Variants in UBTD2 observed in about 807,000 individuals in gnomAD.
UBTD2 encodes ubiquitin domain-containing protein 2.
A neutral mutation model predicts 19.8 loss-of-function variants in UBTD2; 9 were observed. That is an observed-to-expected ratio of 0.46 (90% CI 0.27 to 0.79). The LOEUF is 0.79. Among genes scored for constraint, UBTD2 ranks in the 30% least tolerant of loss-of-function variants. The pLI is 0.14. For missense variants in UBTD2, 250 were observed against 300.4 expected, an observed-to-expected ratio of 0.83 and a Z score of 1.24; for synonymous variants, 98 against 103.9, an observed-to-expected ratio of 0.94 and a Z score of 0.35.
intron 1 of UBTD2, among the ~76,000 whole-genome samples, chr5:172,260,415 T>C (rs1755243790): frequency 6.6e-6 from 1 of 152,216 alleles, no homozygotes; most frequent in Admixed American, 6.5e-5. Context: ...GAAGTATAAG[T>C]TCTGTTCCTA....
At chr5:172,264,639 C>T (rs1477659460) in intron 1 of UBTD2, among the ~76,000 whole-genome samples, 1 of 151,498 alleles carries the variant, frequency 6.6e-6, no homozygotes. Context: ...TTTGGGAGGC[C>T]AAGACAAGAG....
chr5:172,221,701 G>T (rs1771654538), intron 2 of UBTD2, among the ~76,000 whole-genome samples: 1 of 152,158 alleles, frequency 6.6e-6, no homozygotes, highest in African/African-American at 2.4e-5. Context: ...TTAGGAGGGA[G>T]GCAGGGATGA....
chr5:172,229,363 T>G (rs766072769), intron 2 of UBTD2, among the ~76,000 whole-genome samples: 2 of 151,992 alleles, frequency 1.3e-5, no homozygotes, highest in African/African-American at 4.8e-5. Flanking sequence ...TAGCCAGGCA[T>G]GGTGGCGGGC....
chr5:172,251,694 G>A (rs895456094), intron 1 of UBTD2, among the ~76,000 whole-genome samples: 28 of 151,824 alleles, frequency 1.8e-4, no homozygotes, highest in African/African-American at 2.4e-5. Context: ...ATGAAGGAAA[G>A]ATAAAAGGGT....
intron 1 of UBTD2, among the ~76,000 whole-genome samples, chr5:172,236,652 A>G (rs1772015041): frequency 6.6e-6 from 1 of 152,236 alleles, no homozygotes; most frequent in African/African-American, 2.4e-5. Context: ...GAAGTGGAAG[A>G]TGGCACAGTA....
intron 1 of UBTD2, among the ~76,000 whole-genome samples, chr5:172,248,440 T>A (rs1754926447): frequency 6.6e-6 from 1 of 151,838 alleles, no homozygotes; most frequent in Non-Finnish European, 1.5e-5. Context: ...ATACAAAAAT[T>A]AGCTGGGTGT....
chr5:172,212,338 A>C, intron 2 of UBTD2, 111 bp from the exon 3 acceptor site: 3 of 1,153,610 alleles, frequency 2.6e-6, no homozygotes, highest in Non-Finnish European at 3.6e-6. Flanking sequence ...GTAGAGAAAA[A>C]ACATCACTCT....
At chr5:172,243,196 C>T (rs1176162988) in intron 1 of UBTD2, among the ~76,000 whole-genome samples, 1 of 150,418 alleles carries the variant, frequency 6.6e-6, no homozygotes, top group African/African-American at 2.4e-5. Context: ...AATCCTCAAA[C>T]CCTGTAAAGA....
intron 2 of UBTD2, among the ~76,000 whole-genome samples, chr5:172,226,892 A>G (rs1771777297): frequency 6.6e-6 from 1 of 152,234 alleles, no homozygotes; most frequent in South Asian, 2.1e-4. Context: ...CATCTCTTTT[A>G]GTAAACATAA....
intron 2 of UBTD2, among the ~76,000 whole-genome samples, chr5:172,233,230 G>C (rs1771941398): frequency 6.6e-6 from 1 of 152,196 alleles, no homozygotes; most frequent in Admixed American, 6.5e-5. Flanking sequence ...TAAGAATGTA[G>C]ATAAAGGGAC....
intron 2 of UBTD2, among the ~76,000 whole-genome samples, chr5:172,219,160 AAAG>A (rs1437722040): frequency 4.6e-5 from 7 of 152,374 alleles, no homozygotes; most frequent in Admixed American, 2.0e-4. Context: ...CCAAAACAGA[AAAG>A]AACCAATTCC....
intron 1 of UBTD2, among the ~76,000 whole-genome samples, chr5:172,256,154 G>A (rs1470036659): frequency 6.6e-6 from 1 of 151,980 alleles, no homozygotes; most frequent in African/African-American, 2.4e-5. Context: ...CTGATAATCC[G>A]TCCTATAATG....
chr5:172,281,328 C>T (rs1417083145), intron 1 of UBTD2, among the ~76,000 whole-genome samples: 1 of 152,112 alleles, frequency 6.6e-6, no homozygotes, highest in Non-Finnish European at 1.5e-5. Flanking sequence ...AAACCCACCT[C>T]TACTAAAAAT....
intron 2 of UBTD2, among the ~76,000 whole-genome samples, chr5:172,227,373 A>G (rs1221724646): frequency 2.6e-5 from 4 of 152,132 alleles, no homozygotes; most frequent in Non-Finnish European, 5.9e-5. Context: ...AAATGATATA[A>G]CATTTATTTT....
In UBTD2 at chr5:172,212,196, C is replaced by T. The variant is rs758381830; in HGVS notation, c.339G>A (p.Gly113=). ...GALTECYDEL[G]NRYQLPVYCL... ...AATACACTGGAAGCTGATATCTGTT[C>T]CCCAGTTCATCGTAGCACTCTGTAA... is the stretch of plus-strand genomic sequence containing the variant. Residue 113 remains glycine, a synonymous_variant, in exon 3 of 3, where the codon GGG becomes GGA. Coordinates refer to ENST00000393792, the MANE Select transcript of UBTD2 (RefSeq NM_152277.3). 1 of 1,611,690 alleles carries T rather than the reference C, an allele frequency of 6.2e-7. No homozygotes were observed. The highest frequency in any genetic ancestry group is 1.3e-5 in the African/African-American group (1 of 74,866).
At chr5:172,247,757 T>C (rs145000080) in intron 1 of UBTD2, among the ~76,000 whole-genome samples, 1 of 152,318 alleles carries the variant, frequency 6.6e-6, no homozygotes, top group Non-Finnish European at 1.5e-5. Context: ...ATATCCTATT[T>C]TCAATAATGT....
chr5:172,211,990 T>G lies in UBTD2; in HGVS notation c.545A>C (p.His182Pro), dbSNP rs746257867. The G allele has an allele frequency of 6.2e-7, 1 of 1,614,220 alleles. No individual in the cohort carries two copies. Among genetic ancestry groups the G allele is most frequent in the South Asian group, 1.1e-5 (1 of 91,084 alleles). The change falls in exon 3 of 3, where the codon CAT (histidine) becomes CCT (proline). Residue 182 changes from histidine (H) to proline (P), a missense_variant. By Grantham distance (77) the His-to-Pro change is moderately conservative (BLOSUM62 -2). Transcript: ENST00000393792. Reference protein sequence around the residue: ...DTVFHMKRRLHAAEGVEPGSQ... With the variant: ...DTVFHMKRRLPAAEGVEPGSQ... ...ACCTGGTTCCACTCCCTCTGCTGCA[T>G]GCAACCGTCTCTTCATGTGGAATAC... is the stretch of plus-strand genomic sequence containing the variant.
intron 2 of UBTD2, among the ~76,000 whole-genome samples, chr5:172,214,493 G>C (rs1310811106): frequency 6.6e-6 from 1 of 152,206 alleles, no homozygotes. Flanking sequence ...ATCACTAGCA[G>C]TCCCTATACC....
At chr5:172,284,078 C>G (rs1325819173), upstream of UBTD2, 1 of 150,502 alleles carries the variant, frequency 6.6e-6, no homozygotes, top group South Asian at 2.1e-4. Context: ...CGCCGCCCTC[C>G]GCACCCACGG....
Sources: gnomAD v4.1 joint callset for allele counts (sites outside exome capture counted in the v4.1 genomes callset) on GRCh38, gnomAD v4.1.1 for gene constraint, MANE v1.5 for transcripts, NCBI Gene and HGNC (gene_info 2026-07-23, HGNC 2026-07-21) for gene names.